The following GSE1 variants were observed in gnomAD, a reference collection of about 807,000 sequenced individuals.
GSE1 encodes genetic suppressor element 1.
A neutral mutation model predicts 112.6 loss-of-function variants in GSE1; 32 were observed. The observed-to-expected ratio is 0.28, with a 90% CI of 0.21 to 0.38. The LOEUF is 0.38. GSE1 is among the 10% of genes least tolerant of loss of function. GSE1 has a pLI of 1.00. For synonymous variants in GSE1, 1,115 were observed against 735.6 expected (o/e 1.52, Z -8.35); for missense variants, 2,348 against 1,699.2 (o/e 1.38, Z -6.71).
At chr16:85,388,319 GA>G (rs2047743426) in intron 2 of GSE1, among the ~76,000 whole-genome samples, 1 of 62,492 alleles carries the variant, frequency 1.6e-5, no homozygotes, top group Non-Finnish European at 3.7e-5. Context: ...TGGATGGATG[GA>G]TGGATGGATG....
exon 1 of GSE1, chr16:85,171,350 A>G (rs2074356001): frequency 1.0e-6 from 1 of 985,494 alleles, no homozygotes; most frequent in Non-Finnish European, 1.2e-6. Context: ...TTCCAGCTCA[A>G]CGTGAACCCC....
chr16:85,307,148 G>A (rs916737693), intron 1 of GSE1, among the ~76,000 whole-genome samples: 6 of 152,128 alleles, frequency 3.9e-5, no homozygotes, highest in Non-Finnish European at 7.3e-5. Context: ...GTGGGGGTGG[G>A]GTGGGGTGGG....
At chr16:85,264,982 C>T (rs1458269443) in intron 1 of GSE1, among the ~76,000 whole-genome samples, 4 of 152,188 alleles carry the variant, frequency 2.6e-5, no homozygotes, top group African/African-American at 7.2e-5. Flanking sequence ...AGTCACATCA[C>T]GACAGCCTGA....
chr16:85,636,886 A>G (rs2050046581), intron 2 of GSE1, among the ~76,000 whole-genome samples: 1 of 152,062 alleles, frequency 6.6e-6, no homozygotes, highest in Non-Finnish European at 1.5e-5. Flanking sequence ...GTCCTGGATG[A>G]CAGTGGGGAC....
upstream of GSE1, chr16:85,555,644 T>A (rs979039613): frequency 2.4e-5 from 23 of 950,352 alleles, no homozygotes; most frequent in Non-Finnish European, 2.7e-5. Context: ...AGCCGATTTC[T>A]CCTTGGCAAC....
intron 1 of GSE1, among the ~76,000 whole-genome samples, chr16:85,575,292 G>A (rs1350958142): frequency 1.3e-5 from 2 of 152,206 alleles, no homozygotes; most frequent in Non-Finnish European, 2.9e-5. Context: ...TTCAAACGAG[G>A]CACTCCAGGA....
At chr16:85,623,400 C>T (rs915424284) in intron 1 of GSE1, among the ~76,000 whole-genome samples, 1 of 152,142 alleles carries the variant, frequency 6.6e-6, no homozygotes, top group African/African-American at 2.4e-5. Flanking sequence ...ATCATTTGCA[C>T]CCTCTCTCCA....
intron 1 of GSE1, among the ~76,000 whole-genome samples, chr16:85,176,176 ACT>A (rs557717302): frequency 1.5e-3 from 226 of 151,470 alleles, no homozygotes; most frequent in African/African-American, 5.3e-3. Flanking sequence ...TTTTCTAGAG[ACT>A]CTGTTGCCCT....
intron 2 of GSE1, among the ~76,000 whole-genome samples, chr16:85,473,538 C>T (rs1011565239): frequency 6.6e-6 from 1 of 152,346 alleles, no homozygotes; most frequent in African/African-American, 2.4e-5. Context: ...CCGGCTCCCC[C>T]TGGCTGCCAC....
intron 2 of GSE1, among the ~76,000 whole-genome samples, chr16:85,525,249 GT>G (rs1225333974): frequency 6.6e-6 from 1 of 151,268 alleles, no homozygotes; most frequent in Non-Finnish European, 1.5e-5. Flanking sequence ...TGGCTCACTT[GT>G]CCCCCCCCCA....
At chr16:85,181,592 C>A (rs561788539) in intron 1 of GSE1, among the ~76,000 whole-genome samples, 4 of 152,370 alleles carry the variant, frequency 2.6e-5, no homozygotes, top group Non-Finnish European at 4.4e-5. Flanking sequence ...GGGCTGACCG[C>A]TGCTGCGGCG....
chr16:85,559,803 A>G (rs2045424334), intron 1 of GSE1, among the ~76,000 whole-genome samples: 1 of 152,180 alleles, frequency 6.6e-6, no homozygotes, highest in South Asian at 2.1e-4. Flanking sequence ...GCCCATTGTA[A>G]GTCAAGTTTG....
chr16:85,280,639 G>A (rs899004206), intron 1 of GSE1, among the ~76,000 whole-genome samples: 6 of 152,056 alleles, frequency 3.9e-5, no homozygotes, highest in African/African-American at 7.2e-5. Flanking sequence ...CAAGTGATCC[G>A]CCCACCTCAG....
At chr16:85,644,717 G>A (rs2050712577) in intron 2 of GSE1, among the ~76,000 whole-genome samples, 1 of 152,056 alleles carries the variant, frequency 6.6e-6, no homozygotes. Flanking sequence ...GCTCTGAAAT[G>A]GATTGTGGTG....
intron 1 of GSE1, among the ~76,000 whole-genome samples, chr16:85,273,287 T>C (rs1384779172): frequency 1.3e-5 from 2 of 148,320 alleles, no homozygotes; most frequent in Admixed American, 6.6e-5. Context: ...GAAGAGTAGA[T>C]TTTACTGTAT....
intron 1 of GSE1, among the ~76,000 whole-genome samples, chr16:85,312,204 C>CGGGGGG (rs35882426): frequency 3.6e-5 from 2 of 55,792 alleles, no homozygotes; most frequent in Non-Finnish European, 3.3e-5. Context: ...GATCCTCTTG[C>CGGGGGG]GGGGGGGGGG....
chr16:85,588,830 C>A (rs1483884424), intron 1 of GSE1, among the ~76,000 whole-genome samples: 2 of 152,116 alleles, frequency 1.3e-5, no homozygotes, highest in East Asian at 1.9e-4. Flanking sequence ...GCACCCGAGG[C>A]CTGCTGCCTC....
At chr16:85,329,176 A>G (rs1438336753) in intron 1 of GSE1, among the ~76,000 whole-genome samples, 1 of 152,204 alleles carries the variant, frequency 6.6e-6, no homozygotes, top group Non-Finnish European at 1.5e-5. Flanking sequence ...AAGCCCAGCT[A>G]GAAACCCAGC....
At position 85,654,916 on chromosome 16, in the gene GSE1, T is replaced by C; in HGVS notation, c.722T>C (p.Leu241Pro). ...ATGTCCTCACTGCCTCCCCTCGGCCTGGACCCGGCCACTGCTGCAGCCTAC... is the reference window on the plus strand; with the variant it reads ...ATGTCCTCACTGCCTCCCCTCGGCCCGGACCCGGCCACTGCTGCAGCCTAC... Reference protein sequence around the residue: ...LRMSSLPPLGLDPATAAAYYH... With the variant: ...LRMSSLPPLGPDPATAAAYYH... The change falls in exon 5 of 16, where the codon CTG becomes CCG. Residue 241 changes from leucine to proline, a missense_variant. Transcript: ENST00000253458. The C allele has an allele frequency of 6.2e-7, 1 of 1,610,718 alleles. No homozygotes were observed. The highest frequency in any genetic ancestry group is 8.5e-7 in the Non-Finnish European group (1 of 1,179,280).
Sources: gnomAD v4.1 joint callset for allele counts (sites outside exome capture counted in the v4.1 genomes callset) on GRCh38, gnomAD v4.1.1 for gene constraint, MANE v1.5 for transcripts, NCBI Gene and HGNC (gene_info 2026-07-23, HGNC 2026-07-21) for gene names.